HEMK1: variants seen among roughly 807,000 people sequenced by gnomAD.
HEMK1 encodes MTRF1L release factor glutamine methyltransferase.
In HEMK1, 36 loss-of-function variants were observed where a neutral mutation model predicts 47.9. That is an observed-to-expected ratio of 0.75 (90% CI 0.58 to 0.99). HEMK1 has a LOEUF of 0.99. HEMK1 is among the 50% of genes least tolerant of loss of function. The probability of loss-of-function intolerance (pLI) is 0.00; values close to 1 mark genes in which losing one functional copy is unlikely to be tolerated. For synonymous variants in HEMK1, 153 were observed against 165.4 expected, an observed-to-expected ratio of 0.93 and a Z score of 0.57; for missense variants, 383 against 434.5, an observed-to-expected ratio of 0.88 and a Z score of 1.05.
Position 50,588,789 on chromosome 3 carries a change from C to G in HEMK1, c.*8372C>G, listed in dbSNP as rs963250882. On this transcript the variant is annotated 3_prime_UTR_variant, in exon 11 of 11. Coordinates refer to ENST00000232854, the MANE Select transcript of HEMK1 (RefSeq NM_016173.5). ...CCTTGTCATGGGGAGCATTTCAGGT[C>G]CCTAGGCCTGTGAGGTTCTGGGATG... is the stretch of plus-strand genomic sequence containing the variant. The G allele has an allele frequency of 3.3e-5, 5 of 152,182 alleles. No homozygotes were observed. The highest frequency in any genetic ancestry group is 1.2e-4 in the African/African-American group (5 of 41,430). The allele number at this position is 152,182 out of a possible 1,614,324, so 9.4% of individuals were successfully genotyped here.
chr3:50,575,654 C>T (rs1380520078), intron 4 of HEMK1, among the ~76,000 whole-genome samples: 1 of 152,152 alleles, frequency 6.6e-6, no homozygotes, highest in Non-Finnish European at 1.5e-5. Context: ...ATAGGTAGTC[C>T]TCTTTTCAGA....
In HEMK1 at chr3:50,580,111, TGTA is replaced by T; in HGVS notation, c.869_871del. 1 of 1,610,274 alleles carries T rather than the reference TGTA, an allele frequency of 6.2e-7. No homozygotes were observed. Among genetic ancestry groups the T allele is most frequent in the Non-Finnish European group, 8.5e-7 (1 of 1,176,580 alleles). ...GCTGAGCCCACCCATTTCTCCCCCATGTAGTAGTATCTTCTTAGAAGTGGACCC... is the reference window on the plus strand; with the variant it reads ...GCTGAGCCCACCCATTTCTCCCCCATGTAGTATCTTCTTAGAAGTGGACCC... On this transcript the variant is annotated splice_acceptor_variant and splice_polypyrimidine_tract_variant and intron_variant, in intron 9 of 10. Transcript: ENST00000232854. LOFTEE classifies it high-confidence loss of function.
Position 50,580,767 on chromosome 3 carries a change from C to G in HEMK1, c.*350C>G, listed in dbSNP as rs987592041. 5 of 352,760 alleles carry G rather than the reference C, an allele frequency of 1.4e-5. No individual in the cohort carries two copies. In the East Asian group the frequency reaches 2.7e-4, roughly 19 times the overall value. 21.9% of individuals were successfully genotyped at this position (352,760 alleles called of 1,614,324 possible). A position where few individuals can be genotyped will look rare whatever the true frequency, so the allele number is the denominator to read the frequency against. On this transcript the variant is annotated 3_prime_UTR_variant, in exon 11 of 11. Coordinates refer to ENST00000232854, the MANE Select transcript of HEMK1 (RefSeq NM_016173.5). The stretch of plus-strand genomic sequence containing the variant: ...GGGCAAGGGTTTCCTTCTGCCCCAG[C>G]AGGGCTGGCCGTCAGTCCCCTGCTT...
At chr3:50,570,295 A>G (rs1015368909) in intron 1 of HEMK1, 4 of 152,266 alleles carry the variant, frequency 2.6e-5, no homozygotes, top group African/African-American at 7.2e-5. Context: ...TTAAACCTTC[A>G]GTTAAACTTG....
intron 3 of HEMK1, 36 bp downstream of exon 3, chr3:50,571,837 C>G (rs184764647): frequency 6.3e-7 from 1 of 1,580,638 alleles, no homozygotes; most frequent in Admixed American, 1.7e-5. Flanking sequence ...AGGATGTGTT[C>G]AGGGAGCAGC....
rs2031035291 is a variant in HEMK1 at position 50,583,340 on chromosome 3, T to C, written c.*2923T>C. On this transcript the variant is annotated 3_prime_UTR_variant, in exon 11 of 11. Transcript: ENST00000232854. ...TGCTCCTTTACCCCCACCTGGACCCTGGGCTATTGGCTGCTCCCAATCCTT... is the reference window on the plus strand; with the variant it reads ...TGCTCCTTTACCCCCACCTGGACCCCGGGCTATTGGCTGCTCCCAATCCTT... 1 of 152,250 alleles carries C rather than the reference T, an allele frequency of 6.6e-6. No homozygotes were observed. Among genetic ancestry groups the C allele is most frequent in the Non-Finnish European group, 1.5e-5 (1 of 68,078 alleles). The allele number at this position is 152,250 out of a possible 1,614,324, so 9.4% of individuals were successfully genotyped here.
Position 50,577,167 on chromosome 3 carries a change from T to A in HEMK1, c.530T>A (p.Leu177Gln), listed in dbSNP as rs746379951. 1 of 1,610,612 alleles carries A rather than the reference T, an allele frequency of 6.2e-7. No individual in the cohort carries two copies. Among genetic ancestry groups the A allele is most frequent in the Non-Finnish European group, 8.5e-7 (1 of 1,179,036 alleles). ...GCGSGAISLS[L>Q]LSQLPQSRVI... ...GGATCAGGAGCCATCTCCCTCAGCC[T>A]GCTGAGCCAGCTCCCCCAGGTGAGC... The change falls in exon 5 of 11, where the codon CTG (leucine) becomes CAG (glutamine). Residue 177 changes from leucine (L) to glutamine (Q), a missense_variant. Leu to Gln is a moderately radical substitution (Grantham distance 113). Coordinates refer to ENST00000232854, the MANE Select transcript of HEMK1 (RefSeq NM_016173.5).
intron 4 of HEMK1, among the ~76,000 whole-genome samples, chr3:50,574,281 G>A (rs1276522178): frequency 6.6e-6 from 1 of 152,246 alleles, no homozygotes; most frequent in Non-Finnish European, 1.5e-5. Context: ...TAGGCTGAGG[G>A]AGGCTCTTCA....
At chr3:50,579,599 G>A (rs1028368366) in intron 8 of HEMK1, among the ~76,000 whole-genome samples, 2 of 152,218 alleles carry the variant, frequency 1.3e-5, no homozygotes, top group African/African-American at 2.4e-5. Flanking sequence ...TGCATCAAGA[G>A]AGGCCATCAG....
Position 50,590,009 on chromosome 3 carries a change from A to G in HEMK1, c.*9592A>G, listed in dbSNP as rs1242214704. On this transcript the variant is annotated 3_prime_UTR_variant, in exon 11 of 11. Coordinates refer to ENST00000232854, the MANE Select transcript of HEMK1 (RefSeq NM_016173.5). ...CAAGACCAGCCTGGCCAACACAGTG[A>G]AACCCCGTCTACTAAAAATACAAAA... 1.3e-5 allele frequency: 2 copies of G among 151,642 alleles called. No individual in the cohort carries two copies. The highest frequency in any genetic ancestry group is 4.2e-4 in the South Asian group (2 of 4,798). 9.4% of individuals were successfully genotyped at this position (151,642 alleles called of 1,614,324 possible).
chr3:50,577,063 G>C lies in HEMK1; in HGVS notation c.426G>C (p.Glu142Asp). The C allele has an allele frequency of 2.5e-6, 4 of 1,614,012 alleles. No individual in the cohort carries two copies. Among genetic ancestry groups the C allele is most frequent in the Non-Finnish European group, 3.4e-6 (4 of 1,179,956 alleles). ...IPRPETEELVEWVLEEVAQRS... is the reference protein window; with the variant it reads ...IPRPETEELVDWVLEEVAQRS... ...CCTCTGCTTCACAGGAACTGGTTGA[G>C]TGGGTGCTGGAAGAGGTGGCCCAGA... The change falls in exon 5 of 11, where the codon GAG becomes GAC. Residue 142 changes from glutamate to aspartate, a missense_variant. Coordinates refer to ENST00000232854, the MANE Select transcript of HEMK1 (RefSeq NM_016173.5).
Position 50,583,884 on chromosome 3 carries a change from C to G in HEMK1, c.*3467C>G, listed in dbSNP as rs550832429. Reference sequence around the variant, plus strand: ...ATGCCTTCAGAAACCTTCTTATCCCCCTCATCTCTGGGGCCCCCTGTGGAT... The same window carrying G: ...ATGCCTTCAGAAACCTTCTTATCCCGCTCATCTCTGGGGCCCCCTGTGGAT... On this transcript the variant is annotated 3_prime_UTR_variant, in exon 11 of 11. Coordinates refer to ENST00000232854, the MANE Select transcript of HEMK1 (RefSeq NM_016173.5). 1 of 152,408 alleles carries G rather than the reference C, an allele frequency of 6.6e-6. No individual in the cohort carries two copies. Among genetic ancestry groups the G allele is most frequent in the Admixed American group, 6.5e-5 (1 of 15,306 alleles). The allele number at this position is 152,408 out of a possible 1,614,324, so 9.4% of individuals were successfully genotyped here.
rs534985850 is a variant in HEMK1, at chr3:50,573,357, T to C, written c.414+1149T>C. On this transcript the variant is annotated intron_variant, in intron 4 of 10. Transcript: ENST00000232854. ...AGGGTGTGGCCTGCCACCTGCAGAC[T>C]TTGGGAGGCTTACCTGTGGCTCCTG... is the stretch of plus-strand genomic sequence containing the variant. 3.3e-5 allele frequency among the ~76,000 whole-genome samples: 5 copies of C among 152,312 alleles called. No homozygotes were observed. In the South Asian group the frequency reaches 1.0e-3, roughly 32 times the overall value.
At chr3:50,579,520 G>GAT in intron 8 of HEMK1, among the ~76,000 whole-genome samples, 1 of 152,164 alleles carries the variant, frequency 6.6e-6, no homozygotes, top group South Asian at 2.1e-4. Flanking sequence ...GTCAGGGCTA[G>GAT]CCCCAGATCT....
chr3:50,579,725 C>G, intron 8 of HEMK1, 119 bp from the exon 9 acceptor site: 1 of 708,298 alleles, frequency 1.4e-6, no homozygotes, highest in Non-Finnish European at 2.4e-6. Flanking sequence ...CTCAGATTTG[C>G]CCTTCAGCCC....
chr3:50,572,352 T>C, intron 4 of HEMK1, 144 bp downstream of exon 4: 1 of 819,762 alleles, frequency 1.2e-6, no homozygotes, highest in Non-Finnish European at 1.9e-6. Flanking sequence ...CCTCTCTGAC[T>C]GTGTTGGCAG....
In HEMK1 at chr3:50,580,181, C is replaced by A. The variant is rs1445343552; in HGVS notation, c.932C>A (p.Pro311His). Reference sequence around the variant, plus strand: ...GTCAGCAGCTGGCTTCAGAGCCGGCCTGACCTGTACCTTAATCTTGTGGCT... The same window carrying A: ...GTCAGCAGCTGGCTTCAGAGCCGGCATGACCTGTACCTTAATCTTGTGGCT... ...ELVSSWLQSRPDLYLNLVAVR... is the reference protein window; with the variant it reads ...ELVSSWLQSRHDLYLNLVAVR... Residue 311 changes from proline to histidine, a missense_variant, in exon 10 of 11, where the codon CCT becomes CAT. Pro to His is a moderately conservative substitution (Grantham distance 77). Transcript: ENST00000232854. 1 of 1,614,180 alleles carries A rather than the reference C, an allele frequency of 6.2e-7. No homozygotes were observed. Among genetic ancestry groups the A allele is most frequent in the Non-Finnish European group, 8.5e-7 (1 of 1,180,032 alleles).
intron 8 of HEMK1, among the ~76,000 whole-genome samples, chr3:50,579,256 G>C (rs1367755301): frequency 6.6e-6 from 1 of 152,144 alleles, no homozygotes; most frequent in South Asian, 2.1e-4. Context: ...GCTCATACAG[G>C]GTGCTCAGTA....
Position 50,577,204 on chromosome 3 carries a change from C to G in HEMK1, c.549+18C>G. 6.2e-7 allele frequency: 1 copy of G among 1,603,228 alleles called. No individual in the cohort carries two copies. The highest frequency in any genetic ancestry group is 8.5e-7 in the Non-Finnish European group (1 of 1,176,162). On this transcript the variant is annotated intron_variant, in intron 5 of 10. Coordinates refer to ENST00000232854, the MANE Select transcript of HEMK1 (RefSeq NM_016173.5). ...TCCCCCAGGTGAGCCCCTCCACCCA[C>G]TCTGGATAGACTGTGACTGACACTC...
Sources: gnomAD v4.1 joint callset for allele counts (sites outside exome capture counted in the v4.1 genomes callset) on GRCh38, gnomAD v4.1.1 for gene constraint, MANE v1.5 for transcripts, NCBI Gene and HGNC (gene_info 2026-07-23, HGNC 2026-07-21) for gene names.